The following SLC35F3 variants were observed in gnomAD, a reference collection of about 807,000 sequenced individuals.
SLC35F3 encodes the protein putative thiamine transporter SLC35F3.
SLC35F3 carries 25 observed loss-of-function variants against 49.9 expected under a neutral mutation model. That is an observed-to-expected ratio of 0.50 (90% CI 0.37 to 0.70). The LOEUF is 0.70. Among genes scored for constraint, SLC35F3 ranks in the 30% least tolerant of loss-of-function variants. SLC35F3 has a pLI of 0.00. For missense variants in SLC35F3, 525 were observed against 639.8 expected, an observed-to-expected ratio of 0.82 and a Z score of 1.94; for synonymous variants, 275 against 265.4, an observed-to-expected ratio of 1.04 and a Z score of -0.35.
At chr1:234,062,475 C>G (rs752807511) in intron 2 of SLC35F3, among the ~76,000 whole-genome samples, 1 of 152,168 alleles carries the variant, frequency 6.6e-6, no homozygotes, top group Non-Finnish European at 1.5e-5. Context: ...TGTGGAACCC[C>G]GGAGGGCTCC....
At chr1:234,239,397 C>T (rs1265630967) in intron 3 of SLC35F3, among the ~76,000 whole-genome samples, 2 of 152,194 alleles carry the variant, frequency 1.3e-5, no homozygotes, top group African/African-American at 2.4e-5. Context: ...CCATTTCTTA[C>T]TTTCCATGTG....
Position 234,259,936 on chromosome 1 carries a change from C to T in SLC35F3, c.608+28195C>T, listed in dbSNP as rs1262741192. Reference sequence around the variant, plus strand: ...AAATCAAATTCATTCAGACCCCTTTCATTAAGAGTTAATTTTGATAGAGAT... The same window carrying T: ...AAATCAAATTCATTCAGACCCCTTTTATTAAGAGTTAATTTTGATAGAGAT... On this transcript the variant is annotated intron_variant, in intron 3 of 7. Transcript: ENST00000366618. 5.3e-5 allele frequency among the ~76,000 whole-genome samples: 8 copies of T among 152,070 alleles called. No homozygotes were observed. The South Asian group carries it at 1.7e-3, about 32-fold the overall frequency.
At chr1:234,240,380 G>T (rs111362086) in intron 3 of SLC35F3, among the ~76,000 whole-genome samples, 8 of 152,034 alleles carry the variant, frequency 5.3e-5, no homozygotes, top group African/African-American at 1.9e-4. Flanking sequence ...TGAGTCGGGT[G>T]GATCACTTGA....
At chr1:234,001,772 C>T (rs1304540819) in intron 2 of SLC35F3, among the ~76,000 whole-genome samples, 1 of 152,196 alleles carries the variant, frequency 6.6e-6, no homozygotes, top group Non-Finnish European at 1.5e-5. Context: ...TGATTTTACA[C>T]TCTGCATCCT....
chr1:234,003,948 A>G (rs895189662), intron 2 of SLC35F3, among the ~76,000 whole-genome samples: 6 of 152,180 alleles, frequency 3.9e-5, no homozygotes, highest in African/African-American at 1.4e-4. Context: ...GCAGTGTGAT[A>G]ATATGGACAG....
At chr1:234,092,419 T>TG (rs1209303015) in intron 2 of SLC35F3, among the ~76,000 whole-genome samples, 3 of 152,168 alleles carry the variant, frequency 2.0e-5, no homozygotes, top group Non-Finnish European at 4.4e-5. Flanking sequence ...CTCCTACACT[T>TG]GCCCCAGAGT....
At chr1:234,084,321 G>A (rs1664929096) in intron 2 of SLC35F3, among the ~76,000 whole-genome samples, 2 of 152,106 alleles carry the variant, frequency 1.3e-5, no homozygotes, top group Non-Finnish European at 2.9e-5. Flanking sequence ...ATATGTGCCT[G>A]TGTGGATTAT....
At position 233,994,006 on chromosome 1, in the gene SLC35F3, C is replaced by T. The variant is rs114129897; in HGVS notation, c.283+88248C>T. 8.8e-3 allele frequency among the ~76,000 whole-genome samples: 1,344 copies of T among 152,252 alleles called. 7 individuals are homozygous for T. Among genetic ancestry groups the T allele is most frequent in the Middle Eastern group, 0.027 (8 of 294 alleles). ...GAGTGAAAAATATAAAGTAATTGTG[C>T]TTCTCTATAGCCATGGGGGAAAGGT... On this transcript the variant is annotated intron_variant, in intron 2 of 7. Transcript: ENST00000366618.
chr1:234,256,293 A>G (rs1167864037), intron 3 of SLC35F3, among the ~76,000 whole-genome samples: 1 of 152,186 alleles, frequency 6.6e-6, no homozygotes, highest in African/African-American at 2.4e-5. Context: ...CTATATCTTG[A>G]CTGTGGCTGA....
chr1:234,300,583 G>C (rs1014829969), intron 3 of SLC35F3, among the ~76,000 whole-genome samples: 1 of 152,192 alleles, frequency 6.6e-6, no homozygotes, highest in African/African-American at 2.4e-5. Context: ...AATTAAATAA[G>C]CTGCTATTAC....
chr1:234,031,294 T>G (rs1164521362), intron 2 of SLC35F3, among the ~76,000 whole-genome samples: 3 of 152,222 alleles, frequency 2.0e-5, no homozygotes, highest in African/African-American at 7.2e-5. Flanking sequence ...TCTCTGGAGA[T>G]GATAAGTTAG....
In SLC35F3 at chr1:233,947,556, G is replaced by A. The variant is rs181178494; in HGVS notation, c.283+41798G>A. 2.5e-3 allele frequency among the ~76,000 whole-genome samples: 384 copies of A among 151,688 alleles called. 1 individual carries two copies. The highest frequency in any genetic ancestry group is 0.024 in the Middle Eastern group (7 of 290). On this transcript the variant is annotated intron_variant, in intron 2 of 7. Coordinates refer to ENST00000366618, the MANE Select transcript of SLC35F3 (RefSeq NM_173508.4). The stretch of plus-strand genomic sequence containing the variant: ...CATTGAGGTCAGCGTCTTCTCAAGC[G>A]AAGGGCTCAAATGGGTACCACTACA...
At chr1:233,960,544 G>C (rs771348353) in intron 2 of SLC35F3, among the ~76,000 whole-genome samples, 13 of 152,142 alleles carry the variant, frequency 8.5e-5, no homozygotes, top group Non-Finnish European at 1.3e-4. Context: ...TGACTTGGAT[G>C]CCCACTGTGA....
chr1:234,202,444 G>C (rs909823510), intron 2 of SLC35F3, among the ~76,000 whole-genome samples: 2 of 152,176 alleles, frequency 1.3e-5, no homozygotes, highest in Non-Finnish European at 2.9e-5. Context: ...ACACCAAGAA[G>C]TATTTATATT....
chr1:234,001,445 T>C (rs1663552668), intron 2 of SLC35F3, among the ~76,000 whole-genome samples: 1 of 152,210 alleles, frequency 6.6e-6, no homozygotes, highest in Non-Finnish European at 1.5e-5. Flanking sequence ...TGAATGGCTA[T>C]TGTCATAATT....
chr1:234,070,057 A>C (rs945976360), intron 2 of SLC35F3, among the ~76,000 whole-genome samples: 4 of 152,214 alleles, frequency 2.6e-5, no homozygotes, highest in African/African-American at 7.2e-5. Flanking sequence ...AGTTGGTTTA[A>C]ATGGCTGGAA....
intron 2 of SLC35F3, among the ~76,000 whole-genome samples, chr1:234,011,900 T>A (rs1432233528): frequency 2.0e-5 from 3 of 151,968 alleles, no homozygotes; most frequent in East Asian, 3.9e-4. Context: ...AGAGACAAAG[T>A]ATAGAGAAAG....
chr1:234,006,970 A>G (rs576934520), intron 2 of SLC35F3, among the ~76,000 whole-genome samples: 12 of 152,262 alleles, frequency 7.9e-5, no homozygotes, highest in Admixed American at 5.9e-4. Flanking sequence ...AACATAGAGA[A>G]AATCTTTTCA....
At chr1:234,181,318 G>A (rs1236920518) in intron 2 of SLC35F3, among the ~76,000 whole-genome samples, 8 of 141,022 alleles carry the variant, frequency 5.7e-5, no homozygotes, top group African/African-American at 1.1e-4. Context: ...TCTGGGTGAC[G>A]GAGTGAGACT....
Sources: allele counts gnomAD v4.1 joint callset (sites outside exome capture counted in the v4.1 genomes callset), GRCh38; gene constraint gnomAD v4.1.1; transcripts MANE v1.5; gene names NCBI Gene and HGNC (gene_info 2026-07-23, HGNC 2026-07-21).